ARID2: variants seen among roughly 807,000 people sequenced by gnomAD.
ARID2 encodes AT-rich interaction domain 2.
Under a neutral mutation model 184.6 loss-of-function variants are expected in ARID2, and 32 were observed. The observed-to-expected ratio is 0.17, with a 90% CI of 0.13 to 0.23. ARID2 has a LOEUF of 0.23. ARID2 is among the 10% of genes least tolerant of loss of function. The pLI, the probability that ARID2 is intolerant of heterozygous loss-of-function variation, is 1.00. For missense variants in ARID2, 1,696 were observed against 2,197.6 expected (o/e 0.77, Z 4.56); for synonymous variants, 836 against 772.6 (o/e 1.08, Z -1.36).
chr12:45,864,203 T>C (rs1180385541), intron 16 of ARID2, among the ~76,000 whole-genome samples: 2 of 152,170 alleles, frequency 1.3e-5, no homozygotes. Context: ...CTCCCTCTTA[T>C]ATCATCACAT....
chr12:45,851,219 G>T lies in ARID2; in HGVS notation c.3096G>T (p.Gln1032His), dbSNP rs2138169045. The change falls in exon 15 of 21, where the codon CAG (glutamine) becomes CAT (histidine). Residue 1032 changes from glutamine to histidine, a missense_variant. Gln to His is a conservative substitution (Grantham distance 24, BLOSUM62 0). Transcript: ENST00000334344. ...AGCAGGTACAAGTACAAGTTCAGCA[G>T]CCCCAACAAGTACAGATGCAAGTTC... is the stretch of plus-strand genomic sequence containing the variant. ...PPQQVQVQVQQPQQVQMQVQP... is the reference protein window; with the variant it reads ...PPQQVQVQVQHPQQVQMQVQP... The T allele has an allele frequency of 6.2e-7, 1 of 1,614,116 alleles. No individual in the cohort carries two copies. Among genetic ancestry groups the T allele is most frequent in the Non-Finnish European group, 8.5e-7 (1 of 1,180,018 alleles).
intron 20 of ARID2, among the ~76,000 whole-genome samples, chr12:45,899,555 G>A (rs529410224): frequency 1.8e-3 from 273 of 148,880 alleles, no homozygotes; most frequent in Middle Eastern, 0.011. Flanking sequence ...GCAGTGAACC[G>A]AGATCCCACC....
At chr12:45,874,331 TA>T (rs758087161) in intron 16 of ARID2, 4,530 of 152,968 alleles carry the variant, frequency 0.03, 2 homozygotes, top group South Asian at 0.071. Flanking sequence ...CCCTGTCTCT[TA>T]AAAAAAAAAA....
At chr12:45,890,568 G>A (rs985638020) in intron 16 of ARID2, among the ~76,000 whole-genome samples, 2 of 152,042 alleles carry the variant, frequency 1.3e-5, no homozygotes, top group African/African-American at 4.8e-5. Flanking sequence ...AGAATTAAAC[G>A]AAATTCTAAA....
chr12:45,891,250 T>G (rs1329744947), intron 16 of ARID2, among the ~76,000 whole-genome samples: 1 of 152,212 alleles, frequency 6.6e-6, no homozygotes, highest in Admixed American at 6.5e-5. Flanking sequence ...GCTGTCTAGA[T>G]TCCACTGTTC....
chr12:45,865,370 A>G (rs1943815710), intron 16 of ARID2, among the ~76,000 whole-genome samples: 1 of 151,918 alleles, frequency 6.6e-6, no homozygotes, highest in Non-Finnish European at 1.5e-5. Context: ...GGTTTTTCTC[A>G]TTTTTTCAAT....
chr12:45,843,410 C>T (rs1235697346), intron 11 of ARID2, among the ~76,000 whole-genome samples: 3 of 150,000 alleles, frequency 2.0e-5, no homozygotes, highest in Non-Finnish European at 3.0e-5. Context: ...GCGTCTCACT[C>T]TTGCCCAGGC....
chr12:45,792,149 A>G (rs566762537), intron 3 of ARID2, among the ~76,000 whole-genome samples: 1 of 152,042 alleles, frequency 6.6e-6, no homozygotes, highest in East Asian at 1.9e-4. Context: ...ATTAATTTTC[A>G]TTCTTGCTTT....
At chr12:45,761,481 G>T (rs140211409) in intron 3 of ARID2, among the ~76,000 whole-genome samples, 11 of 152,112 alleles carry the variant, frequency 7.2e-5, no homozygotes, top group Admixed American at 1.3e-4. Context: ...AATTTACCTT[G>T]ATTTAAAATT....
intron 16 of ARID2, among the ~76,000 whole-genome samples, chr12:45,873,581 T>A (rs1943959719): frequency 6.6e-6 from 1 of 152,184 alleles, no homozygotes. Flanking sequence ...AGTACAGGCA[T>A]ACCTCAGAGA....
intron 3 of ARID2, among the ~76,000 whole-genome samples, chr12:45,745,408 A>G (rs1157939066): frequency 6.6e-6 from 1 of 152,196 alleles, no homozygotes; most frequent in Non-Finnish European, 1.5e-5. Context: ...GCCTAAGATT[A>G]TTACTACTGA....
intron 3 of ARID2, among the ~76,000 whole-genome samples, chr12:45,746,888 T>C (rs987011537): frequency 6.6e-6 from 1 of 152,112 alleles, no homozygotes; most frequent in South Asian, 2.1e-4. Context: ...TGCCTCAGCC[T>C]CCCGAGTAGC....
Position 45,860,753 on chromosome 12 carries a change from A to AT in ARID2, c.4774-42dup, listed in dbSNP as rs771767060. ...TATAAGACTATACTATAAAATATGA[A>AT]TTTTTTCAGTGTCATGTCACAAACT... On this transcript the variant is annotated intron_variant, in intron 15 of 20. Transcript: ENST00000334344. The AT allele has an allele frequency of 5.0e-6, 7 of 1,397,574 alleles. No homozygotes were observed. The Admixed American group carries it at 1.3e-4, about 26-fold the overall frequency. The allele number at this position is 1,397,574 out of a possible 1,614,324, so 86.6% of individuals were successfully genotyped here. A position where few individuals can be genotyped will look rare whatever the true frequency, so the allele number is the denominator to read the frequency against.
At chr12:45,859,931 C>G (rs1342763609) in intron 15 of ARID2, among the ~76,000 whole-genome samples, 1 of 152,176 alleles carries the variant, frequency 6.6e-6, no homozygotes, top group African/African-American at 2.4e-5. Context: ...GGGGTTTCGC[C>G]ATGTTGGCCA....
At chr12:45,899,647 A>G (rs1592148731) in intron 20 of ARID2, among the ~76,000 whole-genome samples, 1 of 79,116 alleles carries the variant, frequency 1.3e-5, no homozygotes, top group Non-Finnish European at 2.6e-5. Flanking sequence ...ATATATATAT[A>G]TTTGGTTATA....
chr12:45,743,656 A>G (rs1406368430), intron 3 of ARID2, among the ~76,000 whole-genome samples: 1 of 150,384 alleles, frequency 6.6e-6, no homozygotes, highest in Non-Finnish European at 1.5e-5. Context: ...CTAGTTCCAG[A>G]AAAAAAAAGC....
chr12:45,805,748 C>CTAA (rs1173943002), intron 3 of ARID2, among the ~76,000 whole-genome samples: 3 of 152,186 alleles, frequency 2.0e-5, no homozygotes, highest in Non-Finnish European at 2.9e-5. Context: ...ATCACCTTAC[C>CTAA]TAGTTACCCT....
At chr12:45,875,117 G>T (rs962430002) in intron 16 of ARID2, among the ~76,000 whole-genome samples, 6 of 152,106 alleles carry the variant, frequency 3.9e-5, no homozygotes, top group Non-Finnish European at 7.3e-5. Context: ...GTGAGACCCT[G>T]TCTCAAAAAA....
At chr12:45,747,357 T>C (rs1278374271) in intron 3 of ARID2, among the ~76,000 whole-genome samples, 1 of 152,210 alleles carries the variant, frequency 6.6e-6, no homozygotes, top group Admixed American at 6.5e-5. Flanking sequence ...ATTATCCTCT[T>C]GTAGATCAGG....
Sources: gnomAD v4.1 joint callset for allele counts (sites outside exome capture counted in the v4.1 genomes callset) on GRCh38, gnomAD v4.1.1 for gene constraint, MANE v1.5 for transcripts, NCBI Gene and HGNC (gene_info 2026-07-23, HGNC 2026-07-21) for gene names.